Variants in AWAT2 observed in about 807,000 individuals in gnomAD.
AWAT2 encodes acyl-CoA wax alcohol acyltransferase 2, also known as 11-cis-RE-synthase.
AWAT2 carries 9 observed loss-of-function variants against 22.3 expected under a neutral mutation model. That is an observed-to-expected ratio of 0.40 (90% CI 0.24 to 0.70). The LOEUF (loss-of-function observed/expected upper bound fraction) is 0.70, where lower values mean the gene tolerates loss of function less well. Among genes scored for constraint, AWAT2 ranks in the 30% least tolerant of loss-of-function variants. AWAT2 has a pLI of 0.36. For synonymous variants in AWAT2, 100 were observed against 93.4 expected, an observed-to-expected ratio of 1.07 and a Z score of -0.40; for missense variants, 217 against 265.9, an observed-to-expected ratio of 0.82 and a Z score of 1.28.
chrX:70,041,896 G>T lies in AWAT2; in HGVS notation c.914C>A (p.Thr305Lys), dbSNP rs771302360. Reference protein sequence around the residue: ...PSQEIVAKYHTLYIDALRKLF... With the variant: ...PSQEIVAKYHKLYIDALRKLF... ...TTTACGTAGGGCATCAATATAGAGTGTGTGATATTTAGCCACGATCTCCTG... is the reference window on the plus strand; with the variant it reads ...TTTACGTAGGGCATCAATATAGAGTTTGTGATATTTAGCCACGATCTCCTG... The change falls in exon 7 of 8, where the codon ACA becomes AAA. Residue 305 changes from threonine to lysine, a missense_variant. Physicochemically the swap from Thr to Lys is moderately conservative, Grantham distance 78. Coordinates refer to ENST00000276101, the MANE Select transcript of AWAT2 (RefSeq NM_001002254.1). 1 of 1,208,853 alleles carries T rather than the reference G, an allele frequency of 8.3e-7. No individual in the cohort carries two copies. Among genetic ancestry groups the T allele is most frequent in the African/African-American group, 1.7e-5 (1 of 57,191 alleles).
At chrX:70,047,404 C>A (rs777652728) in intron 1 of AWAT2, among the ~76,000 whole-genome samples, 30 of 112,218 alleles carry the variant, frequency 2.7e-4, no homozygotes, top group Non-Finnish European at 5.1e-4. Context: ...CTACTGACTT[C>A]TTTGAGAAGT....
At position 70,044,341 on chromosome X, in the gene AWAT2, A is replaced by T; in HGVS notation, c.196+11T>A. The T allele has an allele frequency of 8.3e-7, 1 of 1,209,755 alleles. No individual in the cohort carries two copies. The highest frequency in any genetic ancestry group is 1.1e-6 in the Non-Finnish European group (1 of 894,508). ...TGGCATGTGGCAACACAGCACCAGC[A>T]GGATGCTTACCTCGCTGAGGGGTCT... On this transcript the variant is annotated intron_variant, in intron 2 of 7. Transcript: ENST00000276101.
intron 1 of AWAT2, among the ~76,000 whole-genome samples, chrX:70,048,279 T>A (rs369235583): frequency 1.8e-5 from 2 of 111,282 alleles, no homozygotes; most frequent in East Asian, 5.7e-4. Context: ...TCAAAAAAAG[T>A]CCAAACTCCT....
In AWAT2 at chrX:70,049,654, C is replaced by A. The variant is rs141476840; in HGVS notation, c.85+194G>T. ...AGGCACACACCCATATGCACACACA[C>A]ATGCCCACAGGGACACTCACAGATC... On this transcript the variant is annotated intron_variant, in intron 1 of 7. Transcript: ENST00000276101. Among the ~76,000 whole-genome samples, 912 of 112,208 alleles carry A rather than the reference C, an allele frequency of 8.1e-3. 12 individuals are homozygous for A. The highest frequency in any genetic ancestry group is 0.028 in the African/African-American group (865 of 30,882).
At chrX:70,043,003 CCTCT>C (rs1410732666) in intron 5 of AWAT2, 62 bp downstream of exon 5, 2 of 936,446 alleles carry the variant, frequency 2.1e-6, no homozygotes, top group African/African-American at 5.5e-5. Flanking sequence ...ATCAAAACCC[CCTCT>C]TCTTCTTTCC....
At position 70,041,630 on chromosome X, in the gene AWAT2, GA is replaced by G. The variant is rs200637971; in HGVS notation, c.*36-9del. ...AGAAAGGGCAGAAAAGAGCTGGAAG[GA>G]AAAAAAAGGAGGTGGGAAAAGGAGT... On this transcript the variant is annotated splice_polypyrimidine_tract_variant and intron_variant, in intron 7 of 7. Coordinates refer to ENST00000276101, the MANE Select transcript of AWAT2 (RefSeq NM_001002254.1). 11 of 440,125 alleles carry G rather than the reference GA, an allele frequency of 2.5e-5. No homozygotes were observed. Among genetic ancestry groups the G allele is most frequent in the Non-Finnish European group, 3.0e-5 (8 of 266,944 alleles). The allele number at this position is 440,125 out of a possible 1,213,427, so 36.3% of individuals were successfully genotyped here.
At chrX:70,047,577 C>T (rs1296318107) in intron 1 of AWAT2, among the ~76,000 whole-genome samples, 2 of 112,016 alleles carry the variant, frequency 1.8e-5, no homozygotes, top group Non-Finnish European at 3.8e-5. Context: ...TGACCAAAGA[C>T]GTTGCTGAAC....
chrX:70,043,766 G>C (rs2020345735), intron 3 of AWAT2, 84 bp from the exon 4 acceptor site: 2 of 1,018,743 alleles, frequency 2.0e-6, no homozygotes, highest in Non-Finnish European at 1.3e-6. Flanking sequence ...GAAAAGGACT[G>C]CTAGGTCTAG....
intron 4 of AWAT2, 37 bp from the exon 5 acceptor site, chrX:70,043,280 T>TTCCCAAACCCCTACATTTCCTTTC (rs1294289913): frequency 8.6e-7 from 1 of 1,158,995 alleles, no homozygotes; most frequent in Non-Finnish European, 1.2e-6. Flanking sequence ...CACTGGTCAC[T>TTCCCAAACCCCTACATTTCCTTTC]TCCCAAACCC....
chrX:70,045,236 T>C (rs1213563541), intron 1 of AWAT2, among the ~76,000 whole-genome samples: 1 of 112,558 alleles, frequency 8.9e-6, no homozygotes, highest in Non-Finnish European at 1.9e-5. Flanking sequence ...AAAATTATCA[T>C]TAAAATGTTT....
chrX:70,047,182 A>G (rs2020367947), intron 1 of AWAT2, among the ~76,000 whole-genome samples: 1 of 112,194 alleles, frequency 8.9e-6, no homozygotes, highest in Non-Finnish European at 1.9e-5. Flanking sequence ...AGTTCTAGTG[A>G]TAGTGTGCAC....
intron 5 of AWAT2, 178 bp downstream of exon 5, chrX:70,042,891 C>G (rs1375469528): frequency 5.2e-6 from 2 of 385,742 alleles, no homozygotes; most frequent in Non-Finnish European, 4.0e-6. Flanking sequence ...TTTTTTTTAA[C>G]TTATTTATTT....
At chrX:70,048,227 C>T (rs2020376177) in intron 1 of AWAT2, among the ~76,000 whole-genome samples, 1 of 111,072 alleles carries the variant, frequency 9.0e-6, no homozygotes, top group South Asian at 3.8e-4. Flanking sequence ...ATCTCTGATG[C>T]CATCACCCTG....
At chrX:70,042,776 A>G (rs2020336872) in intron 5 of AWAT2, 1 of 401,966 alleles carries the variant, frequency 2.5e-6, no homozygotes, top group Non-Finnish European at 4.3e-6. Context: ...TGTGAGGGAG[A>G]ACAGGCTCAG....
chrX:70,041,750 G>T (rs935064811), intron 7 of AWAT2, 23 bp downstream of exon 7: 2 of 1,160,633 alleles, frequency 1.7e-6, no homozygotes, highest in African/African-American at 1.8e-5. Context: ...TTGTCCTCCT[G>T]TTCTCACTGG....
At chrX:70,047,429 G>A (rs1047541637) in intron 1 of AWAT2, among the ~76,000 whole-genome samples, 2 of 111,663 alleles carry the variant, frequency 1.8e-5, no homozygotes, top group African/African-American at 3.3e-5. Flanking sequence ...AGAGGCATTG[G>A]GTCTGATCCA....
At chrX:70,041,719 C>T (rs187693487) in intron 7 of AWAT2, 54 bp downstream of exon 7, 256 of 992,488 alleles carry the variant, frequency 2.6e-4, no homozygotes, top group Non-Finnish European at 3.2e-4. Flanking sequence ...AAATCAGGAG[C>T]GGGAGCCTGA....
Position 70,044,008 on chromosome X carries a change from G to C in AWAT2, c.197-12C>G, listed in dbSNP as rs766401310. 8.4e-7 allele frequency: 1 copy of C among 1,184,177 alleles called. No homozygotes were observed. ...AAACCGGCGGCCGCCTGAAAACAGA[G>C]GCAATGCAGCCAAGCTTTGTCCATT... is the stretch of plus-strand genomic sequence containing the variant. On this transcript the variant is annotated splice_polypyrimidine_tract_variant and intron_variant, in intron 2 of 7. Transcript: ENST00000276101.
chrX:70,042,866 C>G, intron 5 of AWAT2: 21 of 404,218 alleles, frequency 5.2e-5, no homozygotes, highest in Non-Finnish European at 7.4e-5. Flanking sequence ...AGGTGGCTTT[C>G]CTCCTCCCTC....
Sources: allele counts gnomAD v4.1 joint callset (sites outside exome capture counted in the v4.1 genomes callset), GRCh38; gene constraint gnomAD v4.1.1; transcripts MANE v1.5; gene names NCBI Gene and HGNC (gene_info 2026-07-23, HGNC 2026-07-21).